The following ZNF808 variants were observed in gnomAD, a reference collection of about 807,000 sequenced individuals.
ZNF808 encodes the protein zinc finger protein 808.
A neutral mutation model predicts 8.7 loss-of-function variants in ZNF808; 5 were observed. That is an observed-to-expected ratio of 0.58 (90% CI 0.30 to 1.21). The LOEUF (loss-of-function observed/expected upper bound fraction) is 1.21, where lower values mean the gene tolerates loss of function less well. ZNF808 is among the 50% of genes most tolerant of loss of function. ZNF808 has a pLI of 0.07. For missense variants in ZNF808, 1,103 were observed against 1,098.4 expected, an observed-to-expected ratio of 1.00 and a Z score of -0.06; for synonymous variants, 380 against 366.0, an observed-to-expected ratio of 1.04 and a Z score of -0.44.
At position 52,553,613 on chromosome 19, in the gene ZNF808, T is replaced by C. The variant is rs1486060252; in HGVS notation, c.697T>C (p.Cys233Arg). Reference protein sequence around the residue: ...EVHMREKSFPCNESGKAFNCS... With the variant: ...EVHMREKSFPRNESGKAFNCS... ...ACACATGAGAGAAAAATCTTTCCCA[T>C]GTAATGAGAGTGGCAAAGCCTTTAA... Residue 233 changes from cysteine (C) to arginine (R), a missense_variant, in exon 5 of 5, where the codon TGT becomes CGT. Coordinates refer to ENST00000359798, the MANE Select transcript of ZNF808 (RefSeq NM_001039886.4). 2.5e-6 allele frequency: 4 copies of C among 1,614,190 alleles called. No individual in the cohort carries two copies. The Admixed American group carries it at 5.0e-5, about 20-fold the overall frequency.
chr19:52,564,852 C>T (rs532930810), downstream of ZNF808, among the ~76,000 whole-genome samples: 13 of 152,044 alleles, frequency 8.6e-5, no homozygotes, highest in African/African-American at 2.7e-4. Flanking sequence ...TTTGGGAGGC[C>T]GAGGCGGGCG....
intron 2 of ZNF808, among the ~76,000 whole-genome samples, chr19:52,534,247 C>T (rs946877797): frequency 6.6e-6 from 1 of 152,148 alleles, no homozygotes; most frequent in Admixed American, 6.5e-5. Context: ...CCCCCTCCCT[C>T]GGGATGAAGC....
chr19:52,543,594 G>A (rs1371818101), intron 3 of ZNF808, among the ~76,000 whole-genome samples: 1 of 152,170 alleles, frequency 6.6e-6, no homozygotes. Flanking sequence ...GTCTTGGGAA[G>A]GGCTCACACC....
At chr19:52,542,002 G>A (rs2059675526) in intron 2 of ZNF808, among the ~76,000 whole-genome samples, 1 of 152,074 alleles carries the variant, frequency 6.6e-6, no homozygotes, top group Non-Finnish European at 1.5e-5. Flanking sequence ...TTATATTTGT[G>A]AAATAAATCA....
At chr19:52,552,458 G>A (rs527669994) in intron 4 of ZNF808, among the ~76,000 whole-genome samples, 1 of 150,954 alleles carries the variant, frequency 6.6e-6, no homozygotes, top group South Asian at 2.1e-4. Flanking sequence ...TGCCACCCTG[G>A]CAGGAGTGCA....
In ZNF808 at chr19:52,543,444, C is replaced by A. The variant is rs184269499; in HGVS notation, c.63+97C>A. On this transcript the variant is annotated intron_variant, in intron 3 of 4. Transcript: ENST00000359798. ...GTAGTAATGTATTGTAGCAGCCAGT[C>A]TTTTCTGAGTCTGAAGCATTTTGCC... The A allele has an allele frequency of 4.9e-4, 741 of 1,497,674 alleles. 8 individuals carry two copies. In the East Asian group the frequency reaches 0.014, roughly 28 times the overall value. The allele number at this position is 1,497,674 out of a possible 1,614,324, so 92.8% of individuals were successfully genotyped here. A position where few individuals can be genotyped will look rare whatever the true frequency, so the allele number is the denominator to read the frequency against.
intron 1 of ZNF808, among the ~76,000 whole-genome samples, chr19:52,530,580 T>C (rs1390671670): frequency 1.3e-5 from 2 of 151,944 alleles, no homozygotes. Flanking sequence ...GGAGAATTAC[T>C]TGAACCCGGG....
chr19:52,542,735 G>A (rs1306189734), intron 2 of ZNF808, among the ~76,000 whole-genome samples: 1 of 152,086 alleles, frequency 6.6e-6, no homozygotes, highest in East Asian at 1.9e-4. Context: ...TTTAAACAAA[G>A]GCAGGAAGAC....
intron 2 of ZNF808, among the ~76,000 whole-genome samples, chr19:52,533,805 T>G (rs1910000220): frequency 8.2e-6 from 1 of 122,410 alleles, no homozygotes; most frequent in Non-Finnish European, 1.6e-5. Context: ...ATTGTGCCAC[T>G]GCACTGTAGC....
At chr19:52,531,150 A>C (rs2059558485) in intron 1 of ZNF808, among the ~76,000 whole-genome samples, 1 of 152,056 alleles carries the variant, frequency 6.6e-6, no homozygotes, top group Non-Finnish European at 1.5e-5. Flanking sequence ...AAGAAATAGC[A>C]ATCAGCTCTT....
intron 2 of ZNF808, among the ~76,000 whole-genome samples, chr19:52,539,064 A>G (rs1342734683): frequency 6.6e-6 from 1 of 151,884 alleles, no homozygotes; most frequent in Non-Finnish European, 1.5e-5. Flanking sequence ...AGTGGGGGAG[A>G]GAAGTAGGGT....
intron 3 of ZNF808, 39 bp downstream of exon 3, chr19:52,543,386 C>T: frequency 6.2e-7 from 1 of 1,602,860 alleles, no homozygotes; most frequent in Non-Finnish European, 8.5e-7. Flanking sequence ...CTGTCTCTTT[C>T]CTTTCTGAAA....
In ZNF808 at chr19:52,547,645, A is replaced by C. The variant is rs1600007384; in HGVS notation, c.190+7A>C. 1 of 1,613,688 alleles carries C rather than the reference A, an allele frequency of 6.2e-7. No homozygotes were observed. On this transcript the variant is annotated splice_region_variant and intron_variant, in intron 4 of 4. Transcript: ENST00000359798. ...AGGAACCTGGAGGCTGTGGGTGAGG[A>C]AAATGTCCCTGCAGACATGAGGAGT...
Position 52,554,635 on chromosome 19 carries a change from G to A in ZNF808, c.1719G>A (p.Gly573=). 6.2e-7 allele frequency: 1 copy of A among 1,613,564 alleles called. No individual in the cohort carries two copies. Among genetic ancestry groups the A allele is most frequent in the Non-Finnish European group, 8.5e-7 (1 of 1,179,810 alleles). The change falls in exon 5 of 5, where the codon GGG becomes GGA. Residue 573 remains glycine, a synonymous_variant. Coordinates refer to ENST00000359798, the MANE Select transcript of ZNF808 (RefSeq NM_001039886.4). ...AKKPYKCNEC[G]KAFNQQSHLS... ...AACCTTACAAGTGTAATGAATGTGGGAAAGCTTTTAATCAACAATCACATC... is the reference window on the plus strand; with the variant it reads ...AACCTTACAAGTGTAATGAATGTGGAAAAGCTTTTAATCAACAATCACATC...
At position 52,555,476 on chromosome 19, in the gene ZNF808, A is replaced by G; in HGVS notation, c.2560A>G (p.Lys854Glu). The change falls in exon 5 of 5, where the codon AAA (lysine) becomes GAA (glutamate). Residue 854 changes from lysine (K) to glutamate (E), a missense_variant. By Grantham distance (56) the Lys-to-Glu change is moderately conservative (BLOSUM62 1). Transcript: ENST00000359798. Reference protein sequence around the residue: ...EKPYKCEACDKVFSRKSHLKR... With the variant: ...EKPYKCEACDEVFSRKSHLKR... ...ACCTTACAAATGTGAAGCATGTGAC[A>G]AAGTTTTCAGTCGCAAATCACACCT... The G allele has an allele frequency of 1.2e-6, 2 of 1,614,144 alleles. No individual in the cohort carries two copies. The highest frequency in any genetic ancestry group is 1.7e-6 in the Non-Finnish European group (2 of 1,179,984).
At chr19:52,548,324 C>G (rs1295358108) in intron 4 of ZNF808, among the ~76,000 whole-genome samples, 2 of 152,206 alleles carry the variant, frequency 1.3e-5, no homozygotes, top group African/African-American at 4.8e-5. Flanking sequence ...TGGTTTTCAT[C>G]AATCTTATTG....
chr19:52,550,471 C>G (rs2059765930), intron 4 of ZNF808, among the ~76,000 whole-genome samples: 1 of 151,538 alleles, frequency 6.6e-6, no homozygotes, highest in African/African-American at 2.4e-5. Context: ...CTCAAGTGAT[C>G]TACCTACCTC....
chr19:52,562,514 C>T (rs1568495407), intron 3 of ZNF808, among the ~76,000 whole-genome samples: 1 of 152,228 alleles, frequency 6.6e-6, no homozygotes, highest in Non-Finnish European at 1.5e-5. Flanking sequence ...GAACTCTGAA[C>T]ATGGCTTTTG....
chr19:52,567,106 C>T (rs1412911191), downstream of ZNF808, among the ~76,000 whole-genome samples: 1 of 152,034 alleles, frequency 6.6e-6, no homozygotes, highest in Non-Finnish European at 1.5e-5. Flanking sequence ...CATGCACCAC[C>T]ACCCCCGGCT....
Sources: allele counts gnomAD v4.1 joint callset (sites outside exome capture counted in the v4.1 genomes callset), GRCh38; gene constraint gnomAD v4.1.1; transcripts MANE v1.5; gene names NCBI Gene and HGNC (gene_info 2026-07-23, HGNC 2026-07-21).